Variants in SH3GL2 observed in about 807,000 individuals in gnomAD.
SH3GL2 encodes SH3 domain containing GRB2 like 2, endophilin A1.
Under a neutral mutation model 46.0 loss-of-function variants are expected in SH3GL2, and 24 were observed. The observed-to-expected ratio is 0.52, with a 90% CI of 0.38 to 0.73. The LOEUF (loss-of-function observed/expected upper bound fraction) is 0.73, where lower values mean the gene tolerates loss of function less well. SH3GL2 is among the 30% of genes least tolerant of loss of function. The pLI, the probability that SH3GL2 is intolerant of heterozygous loss-of-function variation, is 0.00. For missense variants in SH3GL2, 413 were observed against 424.2 expected (o/e 0.97, Z 0.23); for synonymous variants, 196 against 147.1 (o/e 1.33, Z -2.40).
At chr9:17,753,824 G>C (rs542463667) in intron 2 of SH3GL2, among the ~76,000 whole-genome samples, 1 of 152,258 alleles carries the variant, frequency 6.6e-6, no homozygotes, top group East Asian at 1.9e-4. Flanking sequence ...ATACATTTAA[G>C]TCTTTAATCC....
At chr9:17,700,786 T>C (rs1821326303) in intron 1 of SH3GL2, among the ~76,000 whole-genome samples, 1 of 152,226 alleles carries the variant, frequency 6.6e-6, no homozygotes, top group African/African-American at 2.4e-5. Context: ...TATTCTGATA[T>C]TTTAATCAAA....
intron 1 of SH3GL2, among the ~76,000 whole-genome samples, chr9:17,646,925 CT>C (rs1563796343): frequency 1.3e-5 from 2 of 152,206 alleles, no homozygotes; most frequent in African/African-American, 2.4e-5. Flanking sequence ...CCACTGCTCT[CT>C]TCAGAGCCGG....
chr9:17,706,067 A>T (rs1041709961), intron 1 of SH3GL2, among the ~76,000 whole-genome samples: 1 of 152,084 alleles, frequency 6.6e-6, no homozygotes, highest in Non-Finnish European at 1.5e-5. Flanking sequence ...TTAGTCGATG[A>T]TATCAAAGTA....
intron 1 of SH3GL2, among the ~76,000 whole-genome samples, chr9:17,671,110 C>A (rs1820463527): frequency 1.3e-5 from 2 of 152,136 alleles, no homozygotes; most frequent in South Asian, 4.1e-4. Context: ...GTCATTATAT[C>A]TGTACTGCTA....
intron 1 of SH3GL2, among the ~76,000 whole-genome samples, chr9:17,633,193 C>A (rs558524266): frequency 6.6e-6 from 1 of 152,222 alleles, no homozygotes; most frequent in South Asian, 2.1e-4. Context: ...GGGAAGGGAG[C>A]TTTGATTTCA....
At chr9:17,608,815 G>A (rs904014169) in intron 1 of SH3GL2, among the ~76,000 whole-genome samples, 2 of 152,182 alleles carry the variant, frequency 1.3e-5, no homozygotes, top group East Asian at 1.9e-4. Context: ...TTTCTGTAAC[G>A]TACAAGTGGA....
chr9:17,635,822 G>A (rs1466284226), intron 1 of SH3GL2, among the ~76,000 whole-genome samples: 4 of 152,160 alleles, frequency 2.6e-5, no homozygotes, highest in African/African-American at 9.7e-5. Context: ...GGATTTCCTG[G>A]TTGCTTCCAA....
intron 1 of SH3GL2, among the ~76,000 whole-genome samples, chr9:17,584,051 C>A (rs572954009): frequency 2.1e-4 from 32 of 152,272 alleles, no homozygotes; most frequent in African/African-American, 7.7e-4. Flanking sequence ...CTTTCACATT[C>A]TTAGCCAGTA....
At chr9:17,646,221 A>G (rs551995234) in intron 1 of SH3GL2, among the ~76,000 whole-genome samples, 104 of 151,966 alleles carry the variant, frequency 6.8e-4, no homozygotes, top group African/African-American at 2.4e-3. Context: ...TTTCCGCTCC[A>G]TCAGGTCATT....
chr9:17,755,211 A>T (rs1822953847), intron 2 of SH3GL2, among the ~76,000 whole-genome samples: 1 of 152,122 alleles, frequency 6.6e-6, no homozygotes. Flanking sequence ...GTTGAATTTT[A>T]TTGAAAACCT....
intron 1 of SH3GL2, among the ~76,000 whole-genome samples, chr9:17,727,946 A>G (rs971561178): frequency 6.6e-6 from 1 of 152,100 alleles, no homozygotes; most frequent in South Asian, 2.1e-4. Flanking sequence ...TAAGACAGAC[A>G]TGTGGGCAGT....
chr9:17,681,864 A>G (rs1244845545), intron 1 of SH3GL2, among the ~76,000 whole-genome samples: 1 of 152,050 alleles, frequency 6.6e-6, no homozygotes, highest in African/African-American at 2.4e-5. Context: ...ACAAGAAAAA[A>G]CCCCATCAAA....
chr9:17,753,430 A>T (rs2131139882), intron 2 of SH3GL2, among the ~76,000 whole-genome samples: 1 of 152,288 alleles, frequency 6.6e-6, no homozygotes, highest in South Asian at 2.1e-4. Context: ...ATGATCAGTG[A>T]TGTTGAGTGT....
At chr9:17,738,544 A>ATGTCTGTGT (rs869158464) in intron 1 of SH3GL2, among the ~76,000 whole-genome samples, 2 of 77,260 alleles carry the variant, frequency 2.6e-5, no homozygotes, top group Non-Finnish European at 6.0e-5. Context: ...ATATATACAT[A>ATGTCTGTGT]AGTGTGTGTG....
At chr9:17,645,839 G>A (rs534876496) in intron 1 of SH3GL2, among the ~76,000 whole-genome samples, 68 of 152,050 alleles carry the variant, frequency 4.5e-4, no homozygotes, top group African/African-American at 1.4e-3. Flanking sequence ...TGAATCTGAC[G>A]ATTATGTGTC....
intron 1 of SH3GL2, among the ~76,000 whole-genome samples, chr9:17,744,116 T>C (rs766187347): frequency 2.5e-4 from 38 of 152,262 alleles, no homozygotes; most frequent in Non-Finnish European, 1.5e-5. Flanking sequence ...TTTTATTGTG[T>C]GGGAATTCAG....
rs763696032 is a variant in SH3GL2 at position 17,787,487 on chromosome 9, C to G, written c.439C>G (p.His147Asp). 6.2e-7 allele frequency: 1 copy of G among 1,612,956 alleles called. No homozygotes were observed. Among genetic ancestry groups the G allele is most frequent in the South Asian group, 1.1e-5 (1 of 91,064 alleles). The change falls in exon 5 of 9, where the codon CAT (histidine) becomes GAT (aspartate). Residue 147 changes from histidine to aspartate, a missense_variant. By Grantham distance (81) the His-to-Asp change is moderately conservative. Coordinates refer to ENST00000380607, the MANE Select transcript of SH3GL2 (RefSeq NM_003026.5). ...QNFIDPLQNL[H>D]DKDLREIQHH... ...CTTCATTGACCCTCTTCAGAATCTT[C>G]ATGACAAAGATCTTAGGGAAATTCA...
chr9:17,709,265 A>C (rs1414458221), intron 1 of SH3GL2, among the ~76,000 whole-genome samples: 1 of 152,058 alleles, frequency 6.6e-6, no homozygotes, highest in African/African-American at 2.4e-5. Flanking sequence ...AGTCCTTTAC[A>C]ATATCCTGTC....
chr9:17,613,859 C>T (rs958238511), intron 1 of SH3GL2, among the ~76,000 whole-genome samples: 4 of 152,154 alleles, frequency 2.6e-5, no homozygotes, highest in African/African-American at 9.7e-5. Context: ...TTTCCCCTTC[C>T]CTCCTGGCTG....
Sources: allele counts gnomAD v4.1 joint callset (sites outside exome capture counted in the v4.1 genomes callset), GRCh38; gene constraint gnomAD v4.1.1; transcripts MANE v1.5; gene names NCBI Gene and HGNC (gene_info 2026-07-23, HGNC 2026-07-21).